Variants in AUTS2 observed in about 807,000 individuals in gnomAD.
AUTS2 encodes autism susceptibility gene 2 protein.
AUTS2 carries 17 observed loss-of-function variants against 112.4 expected under a neutral mutation model. The observed-to-expected ratio is 0.15, with a 90% CI of 0.10 to 0.23. AUTS2 has a LOEUF of 0.23. AUTS2 is among the 10% of genes least tolerant of loss of function. AUTS2 has a pLI of 1.00. For synonymous variants in AUTS2, 751 were observed against 702.7 expected, an observed-to-expected ratio of 1.07 and a Z score of -1.09; for missense variants, 1,510 against 1,701.6, an observed-to-expected ratio of 0.89 and a Z score of 1.98.
In AUTS2 at chr7:69,988,018, C is replaced by A. The variant is rs145930592; in HGVS notation, c.522+88520C>A. Among the ~76,000 whole-genome samples the A allele has an allele frequency of 5.0e-3, 763 of 152,242 alleles. 13 individuals are homozygous for A. Among genetic ancestry groups the A allele is most frequent in the African/African-American group, 0.017 (712 of 41,550 alleles). On this transcript the variant is annotated intron_variant, in intron 2 of 18. Transcript: ENST00000342771. Reference sequence around the variant, plus strand: ...ATATGAATGAAAATAATGAGTGTAACTTTGATCACACAGATAATACATCTA... The same window carrying A: ...ATATGAATGAAAATAATGAGTGTAAATTTGATCACACAGATAATACATCTA...
intron 4 of AUTS2, among the ~76,000 whole-genome samples, chr7:70,358,043 G>A (rs907773134): frequency 1.3e-5 from 2 of 152,184 alleles, no homozygotes; most frequent in Admixed American, 6.5e-5. Flanking sequence ...TCCGGATGAC[G>A]TGGGGCTATG....
chr7:70,004,714 G>A (rs975110079), intron 2 of AUTS2, among the ~76,000 whole-genome samples: 1 of 150,806 alleles, frequency 6.6e-6, no homozygotes, highest in Non-Finnish European at 1.5e-5. Flanking sequence ...ATGAGCTGGG[G>A]GAAAAAAAAT....
rs550506918 is a variant in AUTS2 at position 70,654,099 on chromosome 7, C to A, written c.691-44470C>A. 7.2e-5 allele frequency among the ~76,000 whole-genome samples: 11 copies of A among 152,210 alleles called. No individual in the cohort carries two copies. The East Asian group carries it at 1.9e-3, about 27-fold the overall frequency. On this transcript the variant is annotated intron_variant, in intron 5 of 18. Transcript: ENST00000342771. ...ACAGCCTATCTTTTCTGTGCCAAAG[C>A]CCATAATAAGCCAGAAATCACTGCT...
chr7:70,270,325 T>G (rs1787631334), intron 4 of AUTS2, among the ~76,000 whole-genome samples: 1 of 152,096 alleles, frequency 6.6e-6, no homozygotes, highest in South Asian at 2.1e-4. Flanking sequence ...GAGTTAGTAT[T>G]GGGTTTTGAA....
At chr7:70,779,327 G>T (rs1465399366) in intron 14 of AUTS2, among the ~76,000 whole-genome samples, 1 of 152,182 alleles carries the variant, frequency 6.6e-6, no homozygotes, top group Non-Finnish European at 1.5e-5. Flanking sequence ...CGTTCACCCA[G>T]TGTTTATTGA....
chr7:70,505,085 G>T (rs896980794), intron 5 of AUTS2, among the ~76,000 whole-genome samples: 21 of 152,342 alleles, frequency 1.4e-4, no homozygotes, highest in Middle Eastern at 6.8e-3. Flanking sequence ...TTCACCAGAT[G>T]TGGAGTCTGT....
chr7:70,145,775 A>G (rs1807093897), intron 4 of AUTS2, among the ~76,000 whole-genome samples: 1 of 152,198 alleles, frequency 6.6e-6, no homozygotes, highest in East Asian at 1.9e-4. Context: ...ACTTCTGTGC[A>G]TTGAGTGTCA....
chr7:70,677,669 T>G (rs1344950775), intron 5 of AUTS2, among the ~76,000 whole-genome samples: 1 of 152,120 alleles, frequency 6.6e-6, no homozygotes, highest in Non-Finnish European at 1.5e-5. Context: ...GTGATCCTCC[T>G]GCCTCGGCCT....
intron 5 of AUTS2, among the ~76,000 whole-genome samples, chr7:70,598,164 A>G (rs995904608): frequency 2.0e-5 from 3 of 152,168 alleles, no homozygotes; most frequent in African/African-American, 7.2e-5. Context: ...CCCTAAGTAC[A>G]GAGTGTCACT....
At chr7:70,025,443 T>C (rs1441108791) in intron 2 of AUTS2, among the ~76,000 whole-genome samples, 3 of 151,770 alleles carry the variant, frequency 2.0e-5, no homozygotes, top group Non-Finnish European at 2.9e-5. Context: ...CATACTTTTT[T>C]TGTTTCCTTT....
chr7:69,982,692 A>C (rs1198480353), intron 2 of AUTS2, among the ~76,000 whole-genome samples: 1 of 152,352 alleles, frequency 6.6e-6, no homozygotes, highest in African/African-American at 2.4e-5. Context: ...TTGGTCCTAC[A>C]TGTGATAAAA....
chr7:70,736,816 T>C (rs550060852), intron 6 of AUTS2, among the ~76,000 whole-genome samples: 32 of 152,320 alleles, frequency 2.1e-4, no homozygotes, highest in African/African-American at 7.5e-4. Context: ...ACAAAGTGCA[T>C]CTCTGCCTGT....
chr7:69,718,713 A>G (rs894206530), intron 1 of AUTS2, among the ~76,000 whole-genome samples: 2 of 152,208 alleles, frequency 1.3e-5, no homozygotes, highest in East Asian at 3.9e-4. Context: ...CACAGGTTCC[A>G]GGAATTAAAT....
At chr7:70,083,083 TTAA>T (rs1803402018) in intron 2 of AUTS2, among the ~76,000 whole-genome samples, 1 of 152,208 alleles carries the variant, frequency 6.6e-6, no homozygotes. Flanking sequence ...GATGATTATT[TTAA>T]TAATGATTCC....
intron 1 of AUTS2, among the ~76,000 whole-genome samples, chr7:69,637,007 C>T (rs946259043): frequency 2.6e-5 from 4 of 152,114 alleles, no homozygotes; most frequent in Non-Finnish European, 5.9e-5. Context: ...CCTCGTGATC[C>T]ACCTGCCTCG....
rs749824094 is a variant in AUTS2 at position 70,777,183 on chromosome 7, G to A, written c.2004+9G>A. 3.8e-5 allele frequency: 62 copies of A among 1,613,250 alleles called. No individual in the cohort carries two copies. Among genetic ancestry groups the A allele is most frequent in the Non-Finnish European group, 4.8e-5 (57 of 1,179,338 alleles). Reference sequence around the variant, plus strand: ...ACCAACAGAAAGTCAAGGTCAGTCCGACCTTCGTGGTGTAGGGAAGAATGG... The same window carrying A: ...ACCAACAGAAAGTCAAGGTCAGTCCAACCTTCGTGGTGTAGGGAAGAATGG... On this transcript the variant is annotated intron_variant, in intron 14 of 18. Transcript: ENST00000342771.
intron 4 of AUTS2, among the ~76,000 whole-genome samples, chr7:70,434,625 C>T (rs1401766127): frequency 1.3e-5 from 2 of 152,186 alleles, no homozygotes; most frequent in Middle Eastern, 3.2e-3. Context: ...CCAAACCACT[C>T]TCCCTGTGAC....
intron 1 of AUTS2, among the ~76,000 whole-genome samples, chr7:69,644,803 A>G (rs979040282): frequency 1.3e-5 from 2 of 152,230 alleles, no homozygotes; most frequent in African/African-American, 2.4e-5. Context: ...GGTGTAGTAT[A>G]TATGTAGTAT....
chr7:69,668,847 C>T (rs1001189194), intron 1 of AUTS2, among the ~76,000 whole-genome samples: 1 of 152,106 alleles, frequency 6.6e-6, no homozygotes, highest in Non-Finnish European at 1.5e-5. Flanking sequence ...TTTTCCTTCA[C>T]ATAAGAACAG....
Sources: allele counts gnomAD v4.1 joint callset (sites outside exome capture counted in the v4.1 genomes callset), GRCh38; gene constraint gnomAD v4.1.1; transcripts MANE v1.5; gene names NCBI Gene and HGNC (gene_info 2026-07-23, HGNC 2026-07-21).